ADH1C: variants seen among roughly 807,000 people sequenced by gnomAD.
ADH1C encodes alcohol dehydrogenase 1C (class I), gamma polypeptide, also known as alcohol dehydrogenase 1C.
In ADH1C, 26 loss-of-function variants were observed where a neutral mutation model predicts 35.0. The observed-to-expected ratio is 0.74, with a 90% CI of 0.54 to 1.03. The LOEUF (loss-of-function observed/expected upper bound fraction) is 1.03. ADH1C is among the 50% of genes least tolerant of loss of function. ADH1C has a pLI of 0.00. For synonymous variants in ADH1C, 170 were observed against 169.3 expected (o/e 1.00, Z -0.03); for missense variants, 413 against 465.4 (o/e 0.89, Z 1.04).
chr4:99,336,884 T>C, intron 8 of ADH1C, 108 bp from the exon 9 acceptor site: 2 of 1,468,566 alleles, frequency 1.4e-6, no homozygotes, highest in Non-Finnish European at 1.9e-6. Flanking sequence ...CTCTCTGTGT[T>C]CTCAGCCACT....
chr4:99,346,220 C>T (rs962316326), intron 3 of ADH1C, among the ~76,000 whole-genome samples: 1 of 151,998 alleles, frequency 6.6e-6, no homozygotes, highest in Non-Finnish European at 1.5e-5. Flanking sequence ...TGGTGCATAA[C>T]ATTTTATGGG....
chr4:99,347,783 C>CT lies in ADH1C; in HGVS notation c.81dup (p.Glu28ArgfsTer6), dbSNP rs773744058. 6.3e-5 allele frequency: 101 copies of CT among 1,613,852 alleles called. 1 individual carries two copies. The African/African-American group carries it at 1.1e-3, about 17-fold the overall frequency. On this transcript the variant is annotated frameshift_variant, in exon 2 of 9. Transcript: ENST00000515683. LOFTEE classifies it high-confidence loss of function. ...TCATGAGCCTTAGGAGGTGCAACCT[C>CT]TACCTCCTCAATGGAAAAGGGTTTC...
chr4:99,339,474 T>G, intron 8 of ADH1C, 103 bp downstream of exon 8: 1 of 1,143,758 alleles, frequency 8.7e-7, no homozygotes, highest in Non-Finnish European at 1.2e-6. Flanking sequence ...CTGTAATTTT[T>G]TCTCATCCTT....
At position 99,345,251 on chromosome 4, in the gene ADH1C, G is replaced by A. The variant is rs775497806; in HGVS notation, c.275C>T (p.Pro92Leu). 1.1e-5 allele frequency: 17 copies of A among 1,613,638 alleles called. No homozygotes were observed. Among genetic ancestry groups the A allele is most frequent in the African/African-American group, 2.7e-5 (2 of 74,910 alleles). The change falls in exon 4 of 9, where the codon CCG (proline) becomes CTG (leucine). Residue 92 changes from proline (P) to leucine (L), a missense_variant. By Grantham distance (98) the Pro-to-Leu change is moderately conservative. Coordinates refer to ENST00000515683, the MANE Select transcript of ADH1C (RefSeq NM_000669.5). Reference protein sequence around the residue: ...TTVKPGDKVIPLFTPQCGKCR... With the variant: ...TTVKPGDKVILLFTPQCGKCR... The stretch of plus-strand genomic sequence containing the variant: ...TTTTCCACACTGAGGAGTAAAGAGC[G>A]GGATGACTTTATCACCTGCAGAGGA...
intron 6 of ADH1C, 32 bp downstream of exon 6, chr4:99,342,763 G>A (rs1270400204): frequency 6.2e-7 from 1 of 1,613,370 alleles, no homozygotes; most frequent in East Asian, 2.2e-5. Context: ...GGTTGCAGAG[G>A]CAGAAATTTC....
intron 8 of ADH1C, 127 bp downstream of exon 8, chr4:99,339,450 G>A: frequency 1.1e-6 from 1 of 875,106 alleles, no homozygotes; most frequent in South Asian, 2.0e-5. Flanking sequence ...AACTGGCAAT[G>A]GAAAACCAAG....
intron 8 of ADH1C, 106 bp from the exon 9 acceptor site, chr4:99,336,882 G>A: frequency 6.7e-7 from 1 of 1,491,538 alleles, no homozygotes; most frequent in Non-Finnish European, 9.3e-7. Context: ...ATCTCTCTGT[G>A]TTCTCAGCCA....
chr4:99,351,697 C>T lies in ADH1C; in HGVS notation c.18+961G>A, dbSNP rs115682569. On this transcript the variant is annotated intron_variant, in intron 1 of 8. Coordinates refer to ENST00000515683, the MANE Select transcript of ADH1C (RefSeq NM_000669.5). Reference sequence around the variant, plus strand: ...TCTTATTGACATGAGCCTGTTTTGTCGCACAGCATAAAGGTAAGCCTCAGA... The same window carrying T: ...TCTTATTGACATGAGCCTGTTTTGTTGCACAGCATAAAGGTAAGCCTCAGA... Among the ~76,000 whole-genome samples, 802 of 152,246 alleles carry T rather than the reference C, an allele frequency of 5.3e-3. 12 individuals carry two copies. Among genetic ancestry groups the T allele is most frequent in the African/African-American group, 0.018 (747 of 41,560 alleles).
In ADH1C at chr4:99,347,781, C is replaced by G. The variant is rs1221712789; in HGVS notation, c.84G>C (p.Glu28Asp). 2 of 1,613,752 alleles carry G rather than the reference C, an allele frequency of 1.2e-6. No individual in the cohort carries two copies. The highest frequency in any genetic ancestry group is 1.7e-5 in the Admixed American group (1 of 60,014). ...LKKPFSIEEV[E>D]VAPPKAHEVR... is the part of the protein sequence containing the mutation. Reference sequence around the variant, plus strand: ...CTTCATGAGCCTTAGGAGGTGCAACCTCTACCTCCTCAATGGAAAAGGGTT... The same window carrying G: ...CTTCATGAGCCTTAGGAGGTGCAACGTCTACCTCCTCAATGGAAAAGGGTT... Residue 28 changes from glutamate to aspartate, a missense_variant, in exon 2 of 9, where the codon GAG (glutamate) becomes GAC (aspartate). Physicochemically the swap from Glu to Asp is conservative, Grantham distance 45. Coordinates refer to ENST00000515683, the MANE Select transcript of ADH1C (RefSeq NM_000669.5).
intron 7 of ADH1C, among the ~76,000 whole-genome samples, chr4:99,340,371 G>T (rs568911490): frequency 1.3e-5 from 2 of 151,806 alleles, no homozygotes; most frequent in Admixed American, 1.3e-4. Flanking sequence ...TCAAGATTGC[G>T]CCACTGCACT....
chr4:99,351,449 T>C (rs1448945445), intron 1 of ADH1C, among the ~76,000 whole-genome samples: 3 of 152,238 alleles, frequency 2.0e-5, no homozygotes, highest in Non-Finnish European at 4.4e-5. Context: ...GAGGATTATC[T>C]ATTTCATCAG....
intron 1 of ADH1C, among the ~76,000 whole-genome samples, chr4:99,350,265 A>C (rs1428522380): frequency 6.6e-6 from 1 of 151,904 alleles, no homozygotes; most frequent in Non-Finnish European, 1.5e-5. Flanking sequence ...TTTATTTTTA[A>C]AATTTATTTA....
Position 99,343,049 on chromosome 4 carries a change from G to A in ADH1C, c.574C>T (p.Pro192Ser). ...CCAAACACAGCACAGGTAGACCCTG[G>A]GGTGACCTATGTTTTCAGAAAATGC... is the stretch of plus-strand genomic sequence containing the variant. ...GSAVKVAKVT[P>S]GSTCAVFGLG... Residue 192 changes from proline (P) to serine (S), a missense_variant, in exon 6 of 9, where the codon CCA becomes TCA. Physicochemically the swap from Pro to Ser is moderately conservative, Grantham distance 74. Transcript: ENST00000515683. The A allele has an allele frequency of 6.2e-7, 1 of 1,610,556 alleles. No homozygotes were observed. Among genetic ancestry groups the A allele is most frequent in the Non-Finnish European group, 8.5e-7 (1 of 1,178,660 alleles).
At chr4:99,345,943 A>G (rs1734520815) in intron 3 of ADH1C, among the ~76,000 whole-genome samples, 1 of 152,194 alleles carries the variant, frequency 6.6e-6, no homozygotes, top group Admixed American at 6.5e-5. Context: ...TTTAGCTGGT[A>G]ATTTGTGAAT....
chr4:99,346,816 G>A (rs184103048), intron 3 of ADH1C, among the ~76,000 whole-genome samples, 190 bp downstream of exon 3: 51 of 152,110 alleles, frequency 3.4e-4, no homozygotes, highest in Non-Finnish European at 5.3e-4. Context: ...TAGAATACAC[G>A]CATGCCTGCC....
In ADH1C at chr4:99,336,758, C is replaced by G. The variant is rs768255034; in HGVS notation, c.1122G>C (p.Thr374=). The G allele has an allele frequency of 6.2e-7, 1 of 1,613,700 alleles. No individual in the cohort carries two copies. Among genetic ancestry groups the G allele is most frequent in the South Asian group, 1.1e-5 (1 of 91,066 alleles). The change falls in exon 9 of 9, where the codon ACG becomes ACC. Residue 374 remains threonine, a synonymous_variant. Transcript: ENST00000515683. ...GGAAGGCATCTGTATTGTTTCAAAA[C>G]GTCAGGACGGTACGGATACTGCAAT... The part of the protein sequence containing the change: ...RSGKSIRTVL[T]F
intron 3 of ADH1C, 99 bp from the exon 4 acceptor site, chr4:99,345,365 A>C: frequency 8.1e-7 from 1 of 1,236,198 alleles, no homozygotes; most frequent in Non-Finnish European, 1.1e-6. Context: ...TATGTGTCTG[A>C]AAAGTTTCTA....
intron 1 of ADH1C, among the ~76,000 whole-genome samples, chr4:99,348,461 AT>A (rs2110662482): frequency 2.7e-5 from 4 of 150,288 alleles, no homozygotes; most frequent in African/African-American, 9.9e-5. Context: ...TGAACTCATC[AT>A]TTTTTATGGC....
At chr4:99,340,533 C>T in intron 7 of ADH1C, 42 bp downstream of exon 7, 4 of 1,608,216 alleles carry the variant, frequency 2.5e-6, no homozygotes, top group Non-Finnish European at 3.4e-6. Context: ...GAGAGAAATT[C>T]TTAGGTTAAT....
Sources: gnomAD v4.1 joint callset for allele counts (sites outside exome capture counted in the v4.1 genomes callset) on GRCh38, gnomAD v4.1.1 for gene constraint, MANE v1.5 for transcripts, NCBI Gene and HGNC (gene_info 2026-07-23, HGNC 2026-07-21) for gene names.